The following WNT2 variants were observed in gnomAD, a reference collection of about 807,000 sequenced individuals.
The protein encoded by WNT2 is protein Wnt-2.
Under a neutral mutation model 36.9 loss-of-function variants are expected in WNT2, and 12 were observed. The observed-to-expected ratio is 0.33, with a 90% confidence interval of 0.21 to 0.53. The LOEUF (loss-of-function observed/expected upper bound fraction) is 0.53. WNT2 is among the 20% of genes least tolerant of loss of function. WNT2 has a pLI of 0.95. For missense variants in WNT2, 379 were observed against 473.1 expected (o/e 0.80, Z 1.84); for synonymous variants, 163 against 174.6 (o/e 0.93, Z 0.52).
intron 4 of WNT2, among the ~76,000 whole-genome samples, chr7:117,285,730 T>A (rs1045678952): frequency 6.6e-6 from 1 of 152,258 alleles, no homozygotes; most frequent in Non-Finnish European, 1.5e-5. Flanking sequence ...ATGTTTGTTC[T>A]ACAAAATCAT....
chr7:117,308,310 T>C (rs1166919778), intron 3 of WNT2, among the ~76,000 whole-genome samples: 2 of 152,182 alleles, frequency 1.3e-5, no homozygotes, highest in African/African-American at 4.8e-5. Flanking sequence ...AGCTAGAAAA[T>C]ATAAGGTGTG....
At chr7:117,296,462 T>C (rs779314540) in intron 4 of WNT2, among the ~76,000 whole-genome samples, 5 of 152,142 alleles carry the variant, frequency 3.3e-5, no homozygotes, top group Non-Finnish European at 4.4e-5. Context: ...TCCATACCAT[T>C]TTATTGGTGC....
Position 117,293,447 on chromosome 7 carries a change from G to A in WNT2, c.853+4165C>T, listed in dbSNP as rs573983258. On this transcript the variant is annotated intron_variant, in intron 4 of 4. Coordinates refer to ENST00000265441, the MANE Select transcript of WNT2 (RefSeq NM_003391.3). ...ACTAAGTTGAATATTAAGTGTGCAC[G>A]ATTTAAAAACAAAAGCAATGATGGA... Among the ~76,000 whole-genome samples, 15 of 152,120 alleles carry A rather than the reference G, an allele frequency of 9.9e-5. 1 individual carries two copies. Among genetic ancestry groups the A allele is most frequent in the Admixed American group, 6.5e-4 (10 of 15,268 alleles).
rs774296887 is a variant in WNT2 at position 117,310,582 on chromosome 7, C to CAAA, written c.588+4486_588+4488dup. Among the ~76,000 whole-genome samples the CAAA allele has an allele frequency of 9.7e-4, 53 of 54,886 alleles. 1 individual carries two copies. Among genetic ancestry groups the CAAA allele is most frequent in the Middle Eastern group, 0.01 (1 of 96 alleles). 36.0% of individuals were successfully genotyped at this position (54,886 alleles called of 152,430 possible). On this transcript the variant is annotated intron_variant, in intron 3 of 4. Coordinates refer to ENST00000265441, the MANE Select transcript of WNT2 (RefSeq NM_003391.3). ...TGGGTAACAAAGCGAGACCCTGTCT[C>CAAA]AAAAAAAAAAAAAAAAAAAAAAAAG...
In WNT2 at chr7:117,276,450, G is replaced by A. The variant is rs554787059; in HGVS notation, c.*1705C>T. 6.6e-6 allele frequency among the ~76,000 whole-genome samples: 1 copy of A among 152,324 alleles called. No homozygotes were observed. Among genetic ancestry groups the A allele is most frequent in the African/African-American group, 2.4e-5 (1 of 41,566 alleles). On this transcript the variant is annotated 3_prime_UTR_variant, in exon 5 of 5. Coordinates refer to ENST00000265441, the MANE Select transcript of WNT2 (RefSeq NM_003391.3). Reference sequence around the variant, plus strand: ...ATCCATAGAATAAAAGGAGGAAAGAGTCACTTTGGAAAAGTTAGACAACAA... The same window carrying A: ...ATCCATAGAATAAAAGGAGGAAAGAATCACTTTGGAAAAGTTAGACAACAA...
rs148303423 is a variant in WNT2 at position 117,318,797 on chromosome 7, C to A, written c.310+1770G>T. ...AAAGTGCTGGGATTATAGGAGTGAGCCTGGCTGTTACCTCTAGTTCGAACC... is the reference window on the plus strand; with the variant it reads ...AAAGTGCTGGGATTATAGGAGTGAGACTGGCTGTTACCTCTAGTTCGAACC... On this transcript the variant is annotated intron_variant, in intron 2 of 4. Transcript: ENST00000265441. Among the ~76,000 whole-genome samples, 6 of 152,290 alleles carry A rather than the reference C, an allele frequency of 3.9e-5. No individual in the cohort carries two copies. In the East Asian group the frequency reaches 1.2e-3, roughly 29 times the overall value.
At chr7:117,307,041 T>C (rs1022174345) in intron 3 of WNT2, among the ~76,000 whole-genome samples, 2 of 152,168 alleles carry the variant, frequency 1.3e-5, no homozygotes, top group African/African-American at 4.8e-5. Flanking sequence ...TTTTAAAATT[T>C]AAGAAACTTC....
intron 3 of WNT2, among the ~76,000 whole-genome samples, chr7:117,304,521 C>T (rs549518073): frequency 5.1e-4 from 77 of 151,482 alleles, no homozygotes; most frequent in African/African-American, 1.6e-3. Flanking sequence ...ACTGCAACTC[C>T]GCCTCCCAGG....
chr7:117,278,037 A>C lies in WNT2; in HGVS notation c.*118T>G. On this transcript the variant is annotated 3_prime_UTR_variant, in exon 5 of 5. Transcript: ENST00000265441. ...AGGGAGGAAGAGGGGGCTTCCGTTG[A>C]GATAAAGGCCACATGCCTTAGGAAA... 8.3e-7 allele frequency: 1 copy of C among 1,204,834 alleles called. No individual in the cohort carries two copies. Among genetic ancestry groups the C allele is most frequent in the Non-Finnish European group, 1.2e-6 (1 of 854,902 alleles). 74.6% of individuals were successfully genotyped at this position (1,204,834 alleles called of 1,614,324 possible). A position where few individuals can be genotyped will look rare whatever the true frequency, so the allele number is the denominator to read the frequency against.
chr7:117,292,022 C>T (rs1452775455), intron 4 of WNT2, among the ~76,000 whole-genome samples: 2 of 152,192 alleles, frequency 1.3e-5, no homozygotes, highest in African/African-American at 2.4e-5. Context: ...GGTGAGCCGC[C>T]CTCCTCGGCC....
intron 3 of WNT2, among the ~76,000 whole-genome samples, chr7:117,303,615 T>C (rs1213044953): frequency 2.6e-5 from 4 of 152,210 alleles, no homozygotes; most frequent in Non-Finnish European, 5.9e-5. Flanking sequence ...GACATTTTAT[T>C]TGGATGATAA....
chr7:117,291,699 A>C (rs1794692092), intron 4 of WNT2, among the ~76,000 whole-genome samples: 1 of 152,226 alleles, frequency 6.6e-6, no homozygotes, highest in African/African-American at 2.4e-5. Flanking sequence ...TCTTCAGTTG[A>C]AGACTAGAGG....
intron 3 of WNT2, among the ~76,000 whole-genome samples, chr7:117,306,668 C>G (rs1444976535): frequency 6.6e-6 from 1 of 152,174 alleles, no homozygotes; most frequent in Non-Finnish European, 1.5e-5. Flanking sequence ...CTCCCAGCCC[C>G]CATGGTTCTT....
At chr7:117,281,143 G>A (rs1794476409) in intron 4 of WNT2, among the ~76,000 whole-genome samples, 1 of 152,160 alleles carries the variant, frequency 6.6e-6, no homozygotes, top group African/African-American at 2.4e-5. Context: ...AATTCTGAGG[G>A]CAAGTTCACA....
At chr7:117,306,382 T>C (rs928662467) in intron 3 of WNT2, among the ~76,000 whole-genome samples, 7 of 152,212 alleles carry the variant, frequency 4.6e-5, no homozygotes, top group African/African-American at 1.2e-4. Flanking sequence ...TTGCTTTTGA[T>C]ACTATGTGCA....
intron 4 of WNT2, among the ~76,000 whole-genome samples, chr7:117,294,062 A>C (rs1394382987): frequency 6.6e-6 from 1 of 152,122 alleles, no homozygotes; most frequent in East Asian, 1.9e-4. Flanking sequence ...CCTCAACTTT[A>C]TTTATTTTTT....
At chr7:117,296,425 G>A (rs945806312) in intron 4 of WNT2, among the ~76,000 whole-genome samples, 6 of 152,128 alleles carry the variant, frequency 3.9e-5, no homozygotes, top group Non-Finnish European at 1.5e-5. Context: ...TTGCCTCTTG[G>A]TCAATCTAAC....
At chr7:117,282,634 A>T (rs552198581) in intron 4 of WNT2, among the ~76,000 whole-genome samples, 2 of 152,202 alleles carry the variant, frequency 1.3e-5, no homozygotes, top group East Asian at 3.9e-4. Context: ...GTGTCAGGAG[A>T]TGAGGCTGGA....
intron 4 of WNT2, among the ~76,000 whole-genome samples, chr7:117,294,593 T>TAAAAAAAAA (rs5886850): frequency 7.8e-6 from 1 of 128,418 alleles, no homozygotes; most frequent in Non-Finnish European, 1.7e-5. Flanking sequence ...AACTGGCAAC[T>TAAAAAAAAA]AAAAAAAAAA....
Sources: allele counts gnomAD v4.1 joint callset (sites outside exome capture counted in the v4.1 genomes callset), GRCh38; gene constraint gnomAD v4.1.1; transcripts MANE v1.5; gene names NCBI Gene and HGNC (gene_info 2026-07-23, HGNC 2026-07-21).